Variants in HMCN1 observed in about 807,000 individuals in gnomAD.
HMCN1 encodes the protein hemicentin-1.
In HMCN1, 321 loss-of-function variants were observed where a neutral mutation model predicts 625.9. The ratio of observed to expected loss-of-function variants is 0.51; its 90% CI spans 0.47 to 0.56. The LOEUF (loss-of-function observed/expected upper bound fraction) is 0.56, where lower values mean the gene tolerates loss of function less well. Ranked by LOEUF, HMCN1 falls within the 20% of genes least tolerant of loss-of-function variation. The probability of loss-of-function intolerance (pLI) is 0.00; values close to 1 mark genes in which losing one functional copy is unlikely to be tolerated. For missense variants in HMCN1, 6,588 were observed against 6,887.3 expected (o/e 0.96, Z 1.54); for synonymous variants, 2,425 against 2,417.6 (o/e 1.00, Z -0.09).
rs180779535 is a variant in HMCN1, at chr1:186,166,439, T to C, written c.15439+136T>C. 3.0e-5 allele frequency: 33 copies of C among 1,114,996 alleles called. No homozygotes were observed. The Admixed American group carries it at 3.4e-4, about 11-fold the overall frequency. 69.1% of individuals were successfully genotyped at this position (1,114,996 alleles called of 1,614,324 possible). A position where few individuals can be genotyped will look rare whatever the true frequency, so the allele number is the denominator to read the frequency against. ...TGGCAACAAACAAAGAAGGTCTCCA[T>C]TGGGCTGAGAAAGTAAGAAAGCAGG... On this transcript the variant is annotated intron_variant, in intron 99 of 106. Transcript: ENST00000271588.
intron 91 of HMCN1, among the ~76,000 whole-genome samples, chr1:186,145,142 C>A (rs73042553): frequency 2.4e-4 from 36 of 152,304 alleles, no homozygotes; most frequent in African/African-American, 8.7e-4. Flanking sequence ...CTCATTTATA[C>A]CCTCCAGCTC....
At chr1:186,126,475 A>AAAAT (rs1661651721) in intron 82 of HMCN1, among the ~76,000 whole-genome samples, 1 of 152,148 alleles carries the variant, frequency 6.6e-6, no homozygotes, top group African/African-American at 2.4e-5. Flanking sequence ...AGTGGCATGA[A>AAAAT]AAATAAGAGG....
chr1:186,088,526 A>G (rs1430765126), intron 62 of HMCN1, 80 bp from the exon 63 acceptor site: 2 of 1,514,008 alleles, frequency 1.3e-6, no homozygotes, highest in Non-Finnish European at 9.0e-7. Flanking sequence ...ACGTAAAGTA[A>G]GACATTTTAT....
chr1:186,010,103 C>T (rs1354901623), intron 30 of HMCN1, among the ~76,000 whole-genome samples: 1 of 152,062 alleles, frequency 6.6e-6, no homozygotes, highest in African/African-American at 2.4e-5. Flanking sequence ...GGCCATGGAT[C>T]CGAACCCTTC....
intron 1 of HMCN1, among the ~76,000 whole-genome samples, chr1:185,760,019 C>A (rs1010706496): frequency 6.6e-6 from 1 of 152,072 alleles, no homozygotes; most frequent in Admixed American, 6.6e-5. Flanking sequence ...TTCTTTTCTT[C>A]TTTTCTTTAG....
rs537694143 is a variant in HMCN1 at position 186,123,185 on chromosome 1, G to C, written c.12464G>C (p.Gly4155Ala). The C allele has an allele frequency of 9.9e-6, 16 of 1,613,844 alleles. No individual in the cohort carries two copies. Among genetic ancestry groups the C allele is most frequent in the Non-Finnish European group, 1.3e-5 (15 of 1,179,936 alleles). Residue 4155 changes from glycine to alanine, a missense_variant, in exon 81 of 107, where the codon GGA becomes GCA. Around this residue, in one of 3 missense-constraint regions of HMCN1, gnomAD observed 1,954 missense variants for 2,013.1 expected, o/e 0.97. Coordinates refer to ENST00000271588, the MANE Select transcript of HMCN1 (RefSeq NM_031935.3). ...ACGTGCATGGCAGCCAATGTAGCAG[G>C]ATCAAGCAGCACAAGCACCAAGCTC... ...HYTCMAANVAGSSSTSTKLTV... is the reference protein window; with the variant it reads ...HYTCMAANVAASSSTSTKLTV...
intron 97 of HMCN1, among the ~76,000 whole-genome samples, chr1:186,160,632 G>A (rs34107883): frequency 0.062 from 9,384 of 151,620 alleles, 715 homozygotes; most frequent in African/African-American, 0.19. Context: ...CTTTGTTTTC[G>A]TTGGTTTCAA....
intron 36 of HMCN1, among the ~76,000 whole-genome samples, chr1:186,028,898 T>G (rs1655235389): frequency 6.6e-6 from 1 of 151,910 alleles, no homozygotes. Context: ...CTAATTTTTT[T>G]GTCTTTTTAG....
In HMCN1 at chr1:186,088,756, G is replaced by T. The variant is rs748852297; in HGVS notation, c.9727+1G>T. On this transcript the variant is annotated splice_donor_variant, in intron 63 of 106. Coordinates refer to ENST00000271588, the MANE Select transcript of HMCN1 (RefSeq NM_031935.3). LOFTEE classifies it high-confidence loss of function. ...AAATATTACTTTCTTTCAATTCAAG[G>T]TATGTATTGTCCACTATGATCTATC... 2.5e-6 allele frequency: 4 copies of T among 1,604,496 alleles called. No homozygotes were observed. In the Admixed American group the frequency reaches 5.1e-5, roughly 20 times the overall value.
Position 186,189,696 on chromosome 1 carries a change from C to T in HMCN1, c.16726C>T (p.Gln5576Ter). Residue 5576 changes from glutamine (Q) to a stop codon, truncating the protein, a stop_gained, in exon 107 of 107, where the codon CAG (glutamine) becomes TAG (stop). Coordinates refer to ENST00000271588, the MANE Select transcript of HMCN1 (RefSeq NM_031935.3). LOFTEE classifies it high-confidence loss of function. Reference sequence around the variant, plus strand: ...AACTTTCCTCATGGTAGATGAGGAACAGACTGTTCCTTTTGCCTTGAGGGA... The same window carrying T: ...AACTTTCCTCATGGTAGATGAGGAATAGACTGTTCCTTTTGCCTTGAGGGA... ...RTTFLMVDEEQTVPFALRDEN... is the reference protein window; with the variant it reads ...RTTFLMVDEE 1.2e-6 allele frequency: 2 copies of T among 1,613,170 alleles called. No individual in the cohort carries two copies. The highest frequency in any genetic ancestry group is 1.7e-6 in the Non-Finnish European group (2 of 1,179,336).
intron 55 of HMCN1, 121 bp from the exon 56 acceptor site, chr1:186,081,086 T>A (rs995201024): frequency 2.4e-6 from 2 of 824,570 alleles, no homozygotes; most frequent in Non-Finnish European, 2.1e-6. Flanking sequence ...GATCATATAG[T>A]TTCTCCTTCA....
At chr1:185,826,534 TCTGAGCTCCATTA>T (rs901651233) in intron 1 of HMCN1, among the ~76,000 whole-genome samples, 2 of 152,144 alleles carry the variant, frequency 1.3e-5, no homozygotes, top group African/African-American at 4.8e-5. Context: ...AGATGCAATT[TCTGAGCTCCATTA>T]TTATAACAGG....
At chr1:185,836,058 C>A (rs764160281) in intron 1 of HMCN1, among the ~76,000 whole-genome samples, 2 of 152,110 alleles carry the variant, frequency 1.3e-5, no homozygotes, top group East Asian at 3.8e-4. Context: ...TGATTAGACT[C>A]GAAATACTTA....
chr1:186,116,270 C>G (rs1277771000), intron 75 of HMCN1, among the ~76,000 whole-genome samples: 1 of 151,990 alleles, frequency 6.6e-6, no homozygotes, highest in Non-Finnish European at 1.5e-5. Context: ...TAAATCATTT[C>G]TATCATGCAC....
intron 11 of HMCN1, among the ~76,000 whole-genome samples, chr1:185,938,290 G>C (rs748797196): frequency 1.1e-4 from 16 of 152,146 alleles, no homozygotes; most frequent in Admixed American, 6.5e-4. Context: ...ACTTCATCTA[G>C]ACACATCCTG....
At position 185,865,843 on chromosome 1, in the gene HMCN1, G is replaced by A. The variant is rs759144564; in HGVS notation, c.601G>A (p.Asp201Asn). 11 of 1,612,370 alleles carry A rather than the reference G, an allele frequency of 6.8e-6. No individual in the cohort carries two copies. In the East Asian group the frequency reaches 2.0e-4, roughly 29 times the overall value. The change falls in exon 4 of 107, where the codon GAC becomes AAC. Residue 201 changes from aspartate to asparagine, a missense_variant. Physicochemically the swap from Asp to Asn is conservative, Grantham distance 23. Transcript: ENST00000271588. Reference protein sequence around the residue: ...STSSGQVFHLDKKQVNEVLKW... With the variant: ...STSSGQVFHLNKKQVNEVLKW... ...AAGTTCTGGTCAAGTGTTCCATCTG[G>A]ACAAAAAACAAGTTAATGAGGTCAG...
intron 11 of HMCN1, 151 bp downstream of exon 11, chr1:185,933,975 C>G (rs1667690776): frequency 1.4e-6 from 1 of 735,768 alleles, no homozygotes; most frequent in Non-Finnish European, 2.4e-6. Context: ...ACTCAGTGGT[C>G]TACAGCCAAC....
At chr1:185,769,038 T>G (rs1656056032) in intron 1 of HMCN1, among the ~76,000 whole-genome samples, 1 of 152,180 alleles carries the variant, frequency 6.6e-6, no homozygotes, top group Non-Finnish European at 1.5e-5. Flanking sequence ...TTAATAGAAT[T>G]TTAAATATTT....
chr1:186,015,348 G>C lies in HMCN1; in HGVS notation c.4820G>C (p.Arg1607Pro), dbSNP rs370332057. 7 of 1,613,490 alleles carry C rather than the reference G, an allele frequency of 4.3e-6. No homozygotes were observed. The highest frequency in any genetic ancestry group is 5.9e-6 in the Non-Finnish European group (7 of 1,179,744). Residue 1607 changes from arginine (R) to proline (P), a missense_variant, in exon 31 of 107, where the codon CGA (arginine) becomes CCA (proline). Physicochemically the swap from Arg to Pro is moderately radical, Grantham distance 103. Coordinates refer to ENST00000271588, the MANE Select transcript of HMCN1 (RefSeq NM_031935.3). ...IDKGQYLHIPRAQVSDSATYT... is the reference protein window; with the variant it reads ...IDKGQYLHIPPAQVSDSATYT... ...AAAGGACAATATCTTCATATTCCTC[G>C]AGCACAGGTCTCTGATTCAGCAACA...
Sources: gnomAD v4.1 joint callset for allele counts (sites outside exome capture counted in the v4.1 genomes callset) on GRCh38, gnomAD v4.1.1 for gene constraint, gnomAD v4.1.1 regional missense constraint, MANE v1.5 for transcripts, NCBI Gene and HGNC (gene_info 2026-07-23, HGNC 2026-07-21) for gene names.